Variants in DNAJC1 observed in about 807,000 individuals in gnomAD.
DNAJC1 encodes the protein dnaJ homolog subfamily C member 1.
DNAJC1 carries 58 observed loss-of-function variants against 76.6 expected under a neutral mutation model. That is an observed-to-expected ratio of 0.76 (90% confidence interval 0.61 to 0.94). The LOEUF (loss-of-function observed/expected upper bound fraction) is 0.94. Ranked by LOEUF, DNAJC1 falls within the 40% of genes least tolerant of loss-of-function variation. The pLI is 0.00. For synonymous variants in DNAJC1, 258 were observed against 267.9 expected, an observed-to-expected ratio of 0.96 and a Z score of 0.36; for missense variants, 689 against 677.3, an observed-to-expected ratio of 1.02 and a Z score of -0.19.
intron 8 of DNAJC1, among the ~76,000 whole-genome samples, chr10:21,857,874 C>CA (rs576361665): frequency 0.023 from 3,291 of 140,974 alleles, 91 homozygotes; most frequent in African/African-American, 0.076. Context: ...AACAAACAAA[C>CA]AAAAAAAAAA....
At chr10:21,829,162 C>G (rs1358130641) in intron 8 of DNAJC1, among the ~76,000 whole-genome samples, 1 of 151,756 alleles carries the variant, frequency 6.6e-6, no homozygotes, top group African/African-American at 2.4e-5. Flanking sequence ...TCCCAAGTAG[C>G]TGGAACTACA....
At chr10:21,779,860 G>A (rs12243997) in intron 9 of DNAJC1, among the ~76,000 whole-genome samples, 5,884 of 152,124 alleles carry the variant, frequency 0.039, 388 homozygotes, top group African/African-American at 0.13. Flanking sequence ...AAGATTAGAC[G>A]AATGGCTAAC....
At chr10:21,977,635 C>T (rs563032513) in intron 1 of DNAJC1, among the ~76,000 whole-genome samples, 9 of 152,140 alleles carry the variant, frequency 5.9e-5, no homozygotes, top group Admixed American at 4.6e-4. Flanking sequence ...CATGCCCAGG[C>T]GCCAACAGTC....
At chr10:21,777,540 C>G (rs1564784905) in intron 9 of DNAJC1, among the ~76,000 whole-genome samples, 2 of 152,148 alleles carry the variant, frequency 1.3e-5, no homozygotes, top group South Asian at 4.1e-4. Flanking sequence ...ACATGAAACA[C>G]CTTGCTCTCA....
intron 7 of DNAJC1, among the ~76,000 whole-genome samples, chr10:21,890,074 GA>G (rs1836435801): frequency 6.6e-6 from 1 of 152,136 alleles, no homozygotes; most frequent in African/African-American, 2.4e-5. Context: ...GAACCACCCA[GA>G]AGTAATAGGT....
At chr10:21,855,769 G>GCCACCCCCACCCCTACC (rs1835824385) in intron 8 of DNAJC1, among the ~76,000 whole-genome samples, 2 of 151,818 alleles carry the variant, frequency 1.3e-5, no homozygotes, top group Admixed American at 1.3e-4. Context: ...TCAGTGCTCC[G>GCCACCCCCACCCCTACC]CCACCCCCAC....
chr10:21,962,026 C>A (rs1391853810), intron 1 of DNAJC1, among the ~76,000 whole-genome samples: 1 of 152,146 alleles, frequency 6.6e-6, no homozygotes, highest in Non-Finnish European at 1.5e-5. Context: ...GGTCTTTGCT[C>A]AAATATTGCC....
intron 1 of DNAJC1, among the ~76,000 whole-genome samples, chr10:21,933,915 CATA>C (rs1031385106): frequency 6.6e-6 from 1 of 151,774 alleles, no homozygotes; most frequent in Non-Finnish European, 1.5e-5. Context: ...ATGTATTGTA[CATA>C]ATATTTGATG....
intron 9 of DNAJC1, among the ~76,000 whole-genome samples, chr10:21,789,825 C>G (rs1266280189): frequency 6.6e-6 from 1 of 151,880 alleles, no homozygotes; most frequent in East Asian, 1.9e-4. Flanking sequence ...GCCTGGCCAA[C>G]ATGGTGAAAC....
intron 8 of DNAJC1, among the ~76,000 whole-genome samples, chr10:21,811,805 T>C (rs1713818510): frequency 6.6e-6 from 1 of 152,174 alleles, no homozygotes. Context: ...ATGTTTTAAT[T>C]TCTCACATAT....
intron 8 of DNAJC1, among the ~76,000 whole-genome samples, chr10:21,856,582 C>CT (rs746909810): frequency 6.6e-6 from 1 of 151,964 alleles, no homozygotes; most frequent in Non-Finnish European, 1.5e-5. Context: ...CAAATCAAGG[C>CT]TTTTTTTCCT....
intron 6 of DNAJC1, among the ~76,000 whole-genome samples, chr10:21,905,789 A>G (rs1357906609): frequency 6.6e-6 from 1 of 152,294 alleles, no homozygotes; most frequent in South Asian, 2.1e-4. Flanking sequence ...CAAGAAATGA[A>G]GGGGCCTGAT....
At chr10:21,926,166 G>C (rs1837124325) in intron 3 of DNAJC1, among the ~76,000 whole-genome samples, 1 of 151,862 alleles carries the variant, frequency 6.6e-6, no homozygotes, top group African/African-American at 2.4e-5. Flanking sequence ...TGCCTAAGCT[G>C]GTTTCCAACT....
At chr10:21,807,389 A>C (rs1834895538) in intron 8 of DNAJC1, among the ~76,000 whole-genome samples, 1 of 152,096 alleles carries the variant, frequency 6.6e-6, no homozygotes, top group Non-Finnish European at 1.5e-5. Context: ...CGCCTGCCTC[A>C]CTGCAAGCTT....
At chr10:21,842,452 G>A (rs895065470) in intron 8 of DNAJC1, among the ~76,000 whole-genome samples, 2 of 152,130 alleles carry the variant, frequency 1.3e-5, no homozygotes, top group African/African-American at 4.8e-5. Flanking sequence ...TTTTTAAAAA[G>A]CGTATATAAT....
At chr10:21,960,010 T>C (rs563137691) in intron 1 of DNAJC1, among the ~76,000 whole-genome samples, 3 of 152,138 alleles carry the variant, frequency 2.0e-5, no homozygotes, top group Non-Finnish European at 4.4e-5. Context: ...CCCTTACCAT[T>C]ACCACAATGG....
At chr10:21,842,393 AAC>A (rs1408774419) in intron 8 of DNAJC1, among the ~76,000 whole-genome samples, 1 of 152,174 alleles carries the variant, frequency 6.6e-6, no homozygotes, top group East Asian at 1.9e-4. Flanking sequence ...AAGAGATGAA[AAC>A]ACAGAGAGGT....
At chr10:21,784,609 A>T (rs745577723) in intron 9 of DNAJC1, among the ~76,000 whole-genome samples, 44 of 152,346 alleles carry the variant, frequency 2.9e-4, no homozygotes, top group Non-Finnish European at 5.7e-4. Flanking sequence ...ACGTATGTTT[A>T]TTGTGGCACT....
chr10:21,834,170 A>G (rs1835411739), intron 8 of DNAJC1, among the ~76,000 whole-genome samples: 1 of 152,174 alleles, frequency 6.6e-6, no homozygotes, highest in Non-Finnish European at 1.5e-5. Flanking sequence ...AGGCTGAGGC[A>G]GGACAATGGC....
Sources: gnomAD v4.1 joint callset for allele counts (sites outside exome capture counted in the v4.1 genomes callset) on GRCh38, gnomAD v4.1.1 for gene constraint, MANE v1.5 for transcripts, NCBI Gene and HGNC (gene_info 2026-07-23, HGNC 2026-07-21) for gene names.